The following CDKL1 variants were observed in gnomAD, a reference collection of about 807,000 sequenced individuals.
CDKL1 encodes the protein cyclin dependent kinase like 1, also known as cyclin-dependent kinase-like 1.
Under a neutral mutation model 42.0 loss-of-function variants are expected in CDKL1, and 41 were observed. That is an observed-to-expected ratio of 0.98 (90% CI 0.76 to 1.27). The LOEUF (loss-of-function observed/expected upper bound fraction) is 1.27. Ranked by LOEUF, CDKL1 falls within the 50% of genes most tolerant of loss-of-function variation. The pLI is 0.00. For missense variants in CDKL1, 394 were observed against 428.4 expected, an observed-to-expected ratio of 0.92 and a Z score of 0.71; for synonymous variants, 153 against 158.6, an observed-to-expected ratio of 0.96 and a Z score of 0.26.
chr14:50,356,708 T>C (rs2034068534), intron 3 of CDKL1, among the ~76,000 whole-genome samples: 1 of 152,210 alleles, frequency 6.6e-6, no homozygotes, highest in African/African-American at 2.4e-5. Flanking sequence ...AATCTTATAT[T>C]TGATTTCCTT....
chr14:50,334,508 C>T, intron 8 of CDKL1, 57 bp downstream of exon 8: 1 of 939,356 alleles, frequency 1.1e-6, no homozygotes, highest in Non-Finnish European at 1.7e-6. Context: ...AATTCAGATT[C>T]CCCAGTGATG....
intron 4 of CDKL1, chr14:50,342,976 C>T (rs777751739): frequency 4.6e-5 from 63 of 1,356,202 alleles, no homozygotes; most frequent in Admixed American, 2.0e-5. Flanking sequence ...AGCCACCCCT[C>T]GAGATGCGGC....
intron 2 of CDKL1, chr14:50,390,304 G>GATCC: frequency 2.9e-6 from 4 of 1,366,232 alleles, no homozygotes; most frequent in Non-Finnish European, 3.9e-6. Flanking sequence ...TCTGCCCAGG[G>GATCC]ATCCCACAGT....
intron 2 of CDKL1, among the ~76,000 whole-genome samples, chr14:50,387,250 G>A (rs1022563719): frequency 1.0e-4 from 15 of 148,534 alleles, no homozygotes; most frequent in South Asian, 4.3e-4. Context: ...GGCCTGATGC[G>A]GTGACTCATG....
chr14:50,368,981 C>T (rs61981900), intron 2 of CDKL1, among the ~76,000 whole-genome samples: 1 of 151,420 alleles, frequency 6.6e-6, no homozygotes, highest in African/African-American at 2.4e-5. Context: ...ATTCTCATGC[C>T]TCAGCCTCCC....
chr14:50,371,711 AG>A (rs1445475001), intron 2 of CDKL1, among the ~76,000 whole-genome samples: 1 of 152,208 alleles, frequency 6.6e-6, no homozygotes, highest in Non-Finnish European at 1.5e-5. Flanking sequence ...CTCAGGTTGG[AG>A]GGGCAGGAGC....
intron 2 of CDKL1, among the ~76,000 whole-genome samples, chr14:50,383,841 C>T (rs993775335): frequency 1.3e-5 from 2 of 152,024 alleles, no homozygotes; most frequent in African/African-American, 2.4e-5. Flanking sequence ...AAGAAGGTAA[C>T]GAGCCAGCTT....
chr14:50,345,334 C>G (rs984157636), intron 3 of CDKL1, among the ~76,000 whole-genome samples: 39 of 152,156 alleles, frequency 2.6e-4, no homozygotes, highest in Admixed American at 6.5e-5. Context: ...TATTTATAAC[C>G]ACCTATCTCA....
In CDKL1 at chr14:50,326,853, C is replaced by T. The variant is rs1595230066; in HGVS notation, c.*3221G>A. 1.4e-6 allele frequency: 1 copy of T among 707,260 alleles called. No individual in the cohort carries two copies. Among genetic ancestry groups the T allele is most frequent in the East Asian group, 1.3e-4 (1 of 7,494 alleles). The allele number at this position is 707,260 out of a possible 1,614,324, so 43.8% of individuals were successfully genotyped here. On this transcript the variant is annotated 3_prime_UTR_variant, in exon 10 of 10. Coordinates refer to ENST00000395834, the MANE Select transcript of CDKL1 (RefSeq NM_004196.7). ...ACCAGGAGTTTGAGACCAATTTGGG[C>T]AACACAGTGAGACCCCATCTCTAAA...
At chr14:50,349,890 G>A (rs763057843) in intron 3 of CDKL1, among the ~76,000 whole-genome samples, 16 of 151,952 alleles carry the variant, frequency 1.1e-4, no homozygotes, top group Non-Finnish European at 1.5e-4. Flanking sequence ...TGCCTCAGCC[G>A]CCCAAGTAGC....
chr14:50,378,200 C>T (rs1213666523), intron 2 of CDKL1: 3 of 1,366,332 alleles, frequency 2.2e-6, no homozygotes, highest in Non-Finnish European at 2.0e-6. Flanking sequence ...AAATCCCTCA[C>T]ATGATGCAGG....
intron 2 of CDKL1, among the ~76,000 whole-genome samples, chr14:50,394,964 C>T (rs1488687451): frequency 6.6e-6 from 1 of 151,962 alleles, no homozygotes; most frequent in African/African-American, 2.4e-5. Flanking sequence ...TAGCAAGATC[C>T]CATCTCTAAA....
chr14:50,359,601 ATTGT>A (rs1469278364), intron 2 of CDKL1, among the ~76,000 whole-genome samples: 2 of 152,026 alleles, frequency 1.3e-5, no homozygotes, highest in Non-Finnish European at 1.5e-5. Context: ...TGTTCAGTTA[ATTGT>A]TTGAAGTCTT....
At chr14:50,370,645 A>G (rs1185743604) in intron 2 of CDKL1, among the ~76,000 whole-genome samples, 1 of 152,194 alleles carries the variant, frequency 6.6e-6, no homozygotes, top group Non-Finnish European at 1.5e-5. Flanking sequence ...TGCCGGCTTT[A>G]CAGGAAACAC....
At chr14:50,393,872 G>T (rs1329804812) in intron 2 of CDKL1, among the ~76,000 whole-genome samples, 1 of 152,168 alleles carries the variant, frequency 6.6e-6, no homozygotes, top group Non-Finnish European at 1.5e-5. Flanking sequence ...GAACACATTT[G>T]ACTTCCCCAT....
intron 2 of CDKL1, among the ~76,000 whole-genome samples, chr14:50,367,875 CAA>C (rs2034476071): frequency 6.6e-6 from 1 of 152,206 alleles, no homozygotes; most frequent in Non-Finnish European, 1.5e-5. Context: ...TTCTCTTGTA[CAA>C]AAGTTTCCAC....
In CDKL1 at chr14:50,336,011, A is replaced by G. The variant is rs566808176; in HGVS notation, c.739-1390T>C. ...CTTCCACTCATGCTCCATAGCTTAA[A>G]TATTTCTCTTGTTCTTTCTGTCGGT... On this transcript the variant is annotated intron_variant, in intron 7 of 9. Coordinates refer to ENST00000395834, the MANE Select transcript of CDKL1 (RefSeq NM_004196.7). 177 of 1,366,538 alleles carry G rather than the reference A, an allele frequency of 1.3e-4. 1 individual carries two copies. In the East Asian group the frequency reaches 6.2e-3, roughly 48 times the overall value. 84.7% of individuals were successfully genotyped at this position (1,366,538 alleles called of 1,614,324 possible).
Position 50,352,942 on chromosome 14 carries a change from T to C in CDKL1, c.290+6086A>G, listed in dbSNP as rs370498608. Among the ~76,000 whole-genome samples the C allele has an allele frequency of 1.8e-4, 27 of 152,370 alleles. No individual in the cohort carries two copies. In the South Asian group the frequency reaches 5.2e-3, roughly 29 times the overall value. On this transcript the variant is annotated intron_variant, in intron 3 of 9. Coordinates refer to ENST00000395834, the MANE Select transcript of CDKL1 (RefSeq NM_004196.7). ...GAAAGTCAAGTTATAATCAGAATGA[T>C]GAGCAAAGAATTTGGATGAGGGAAA...
intron 2 of CDKL1, among the ~76,000 whole-genome samples, chr14:50,386,278 A>G (rs1360489362): frequency 6.6e-6 from 1 of 152,070 alleles, no homozygotes; most frequent in Non-Finnish European, 1.5e-5. Flanking sequence ...CAAAAAATAA[A>G]TAAATTAGTC....
Sources: gnomAD v4.1 joint callset for allele counts (sites outside exome capture counted in the v4.1 genomes callset) on GRCh38, gnomAD v4.1.1 for gene constraint, MANE v1.5 for transcripts, NCBI Gene and HGNC (gene_info 2026-07-23, HGNC 2026-07-21) for gene names.